PCDH15: variants seen among roughly 807,000 people sequenced by gnomAD.
The protein encoded by PCDH15 is protocadherin related 15.
In PCDH15, 129 loss-of-function variants were observed where a neutral mutation model predicts 178.5. That is an observed-to-expected ratio of 0.72 (90% CI 0.63 to 0.84). The LOEUF (loss-of-function observed/expected upper bound fraction) is 0.84. Among genes scored for constraint, PCDH15 ranks in the 40% least tolerant of loss-of-function variants. The pLI is 0.00. For synonymous variants in PCDH15, 800 were observed against 732.0 expected, an observed-to-expected ratio of 1.09 and a Z score of -1.50; for missense variants, 2,230 against 2,099.9, an observed-to-expected ratio of 1.06 and a Z score of -1.21.
intron 2 of PCDH15, among the ~76,000 whole-genome samples, chr10:55,080,353 T>A (rs1213926391): frequency 2.6e-5 from 4 of 152,106 alleles, no homozygotes; most frequent in Non-Finnish European, 4.4e-5. Context: ...GGATGTAGGT[T>A]CCACACCCCT....
At chr10:54,230,816 C>A (rs2053979220) in intron 9 of PCDH15, among the ~76,000 whole-genome samples, 1 of 152,056 alleles carries the variant, frequency 6.6e-6, no homozygotes, top group South Asian at 2.1e-4. Flanking sequence ...TAGTATGTAA[C>A]ATATATCTCA....
chr10:53,840,295 G>C, intron 29 of PCDH15, 25 bp downstream of exon 29: 1 of 1,609,028 alleles, frequency 6.2e-7, no homozygotes, highest in African/African-American at 1.3e-5. Flanking sequence ...CCAAAGAGCT[G>C]TTACAGATAA....
intron 18 of PCDH15, among the ~76,000 whole-genome samples, chr10:54,029,357 C>T (rs1205727012): frequency 3.4e-4 from 51 of 152,154 alleles, no homozygotes; most frequent in Admixed American, 3.3e-3. Flanking sequence ...TAACACATCT[C>T]TTTTCCCCTT....
At chr10:54,132,739 T>C (rs566796018) in intron 15 of PCDH15, 136 bp downstream of exon 15, 12 of 1,431,662 alleles carry the variant, frequency 8.4e-6, no homozygotes, top group Non-Finnish European at 1.1e-5. Context: ...CCTTTCCAGA[T>C]GGAATTTTCA....
chr10:54,072,894 G>A (rs1005741123), intron 17 of PCDH15, among the ~76,000 whole-genome samples: 1 of 152,168 alleles, frequency 6.6e-6, no homozygotes, highest in Non-Finnish European at 1.5e-5. Flanking sequence ...AAGTCAGGGA[G>A]GAGAGGTTTG....
At chr10:54,453,925 C>T (rs1042768966) in intron 3 of PCDH15, among the ~76,000 whole-genome samples, 1 of 151,786 alleles carries the variant, frequency 6.6e-6, no homozygotes, top group Non-Finnish European at 1.5e-5. Flanking sequence ...TTTTAAGCCA[C>T]CATGTTTGAG....
chr10:55,167,446 A>G (rs1839226045), intron 1 of PCDH15, among the ~76,000 whole-genome samples: 2 of 152,094 alleles, frequency 1.3e-5, no homozygotes, highest in African/African-American at 4.8e-5. Flanking sequence ...TTTATACTAT[A>G]CCATTATTAT....
chr10:53,926,058 C>T (rs762864653), intron 25 of PCDH15, among the ~76,000 whole-genome samples: 1 of 152,154 alleles, frequency 6.6e-6, no homozygotes, highest in Non-Finnish European at 1.5e-5. Context: ...AGTATAAAAT[C>T]ATCCTTGATT....
At chr10:54,822,033 G>C (rs1007402889) in intron 3 of PCDH15, among the ~76,000 whole-genome samples, 1 of 152,030 alleles carries the variant, frequency 6.6e-6, no homozygotes, top group African/African-American at 2.4e-5. Context: ...AATTTATAAG[G>C]ATACATAATA....
chr10:55,368,052 A>G (rs552182416), intron 2 of PCDH15, among the ~76,000 whole-genome samples: 117 of 152,260 alleles, frequency 7.7e-4, no homozygotes, highest in African/African-American at 2.8e-3. Context: ...TTTATCAATT[A>G]TGACTTATAA....
intron 5 of PCDH15, among the ~76,000 whole-genome samples, chr10:54,347,079 A>G (rs1358761767): frequency 6.6e-6 from 1 of 152,194 alleles, no homozygotes; most frequent in Non-Finnish European, 1.5e-5. Context: ...GGATTAAAAC[A>G]TCAGAACTTA....
intron 1 of PCDH15, among the ~76,000 whole-genome samples, chr10:55,277,301 T>C (rs1842618781): frequency 6.6e-6 from 1 of 152,032 alleles, no homozygotes; most frequent in Non-Finnish European, 1.5e-5. Context: ...TAGTTTATGA[T>C]TAGTATATTA....
intron 15 of PCDH15, among the ~76,000 whole-genome samples, chr10:54,123,016 A>G (rs984722572): frequency 2.0e-5 from 3 of 152,172 alleles, no homozygotes; most frequent in Admixed American, 6.5e-5. Context: ...TACAAAAATT[A>G]ACTCAAGATG....
intron 18 of PCDH15, among the ~76,000 whole-genome samples, chr10:54,040,825 T>C (rs767336363): frequency 6.6e-6 from 1 of 152,012 alleles, no homozygotes; most frequent in Non-Finnish European, 1.5e-5. Context: ...GCTTAGCATA[T>C]ATGTGTGTCT....
chr10:54,908,098 C>T (rs980454864), intron 2 of PCDH15, among the ~76,000 whole-genome samples: 1 of 152,208 alleles, frequency 6.6e-6, no homozygotes, highest in African/African-American at 2.4e-5. Context: ...GGTGCCTTTG[C>T]CTGAGTTTTG....
chr10:54,480,846 A>G (rs561003833), intron 3 of PCDH15, among the ~76,000 whole-genome samples: 1 of 152,114 alleles, frequency 6.6e-6, no homozygotes, highest in African/African-American at 2.4e-5. Context: ...TTTTTCATAG[A>G]AACATTAAAA....
intron 2 of PCDH15, among the ~76,000 whole-genome samples, chr10:55,529,959 G>A: frequency 6.6e-6 from 1 of 150,990 alleles, no homozygotes; most frequent in East Asian, 2.0e-4. Context: ...AACTGACAAA[G>A]AAATGTTATC....
intron 25 of PCDH15, among the ~76,000 whole-genome samples, chr10:53,911,724 C>G (rs936206268): frequency 1.3e-5 from 2 of 152,070 alleles, no homozygotes; most frequent in Non-Finnish European, 2.9e-5. Flanking sequence ...AAGTCTTGCA[C>G]CATCACAAGA....
chr10:55,234,060 CAGTA>C (rs1841304502), intron 1 of PCDH15, among the ~76,000 whole-genome samples: 2 of 152,032 alleles, frequency 1.3e-5, no homozygotes, highest in Non-Finnish European at 2.9e-5. Context: ...ATGGCTTCAT[CAGTA>C]AGTATTTAGA....
Sources: allele counts gnomAD v4.1 joint callset (sites outside exome capture counted in the v4.1 genomes callset), GRCh38; gene constraint gnomAD v4.1.1; transcripts MANE v1.5; gene names NCBI Gene and HGNC (gene_info 2026-07-23, HGNC 2026-07-21).